BRAF: variants seen among roughly 807,000 people sequenced by gnomAD.
BRAF encodes the protein B-Raf proto-oncogene, serine/threonine kinase, also known as serine/threonine-protein kinase B-raf.
Under a neutral mutation model 104.6 loss-of-function variants are expected in BRAF, and 16 were observed. The ratio of observed to expected loss-of-function variants is 0.15; its 90% CI spans 0.10 to 0.23. BRAF has a LOEUF of 0.23. Ranked by LOEUF, BRAF falls within the 10% of genes least tolerant of loss-of-function variation. The pLI is 1.00. For missense variants in BRAF, 541 were observed against 937.3 expected (o/e 0.58, Z 5.52); for synonymous variants, 310 against 341.6 (o/e 0.91, Z 1.02).
Position 140,719,613 on chromosome 7 carries a change from G to GA in BRAF, c.*6880dup. 1 of 1,062,266 alleles carries GA rather than the reference G, an allele frequency of 9.4e-7. No homozygotes were observed. Among genetic ancestry groups the GA allele is most frequent in the Non-Finnish European group, 1.1e-6 (1 of 877,158 alleles). The allele number at this position is 1,062,266 out of a possible 1,614,324, so 65.8% of individuals were successfully genotyped here. A position where few individuals can be genotyped will look rare whatever the true frequency, so the allele number is the denominator to read the frequency against. ...AAAGTATCAGGAAGTGGGTATGGGG[G>GA]AGAATTAAAAAAAATAATAAAAGAT... On this transcript the variant is annotated 3_prime_UTR_variant, in exon 20 of 20. Transcript: ENST00000644969.
Position 140,850,148 on chromosome 7 carries a change from A to C in BRAF, c.203T>G (p.Phe68Cys). 1 of 1,612,134 alleles carries C rather than the reference A, an allele frequency of 6.2e-7. No homozygotes were observed. Among genetic ancestry groups the C allele is most frequent in the Non-Finnish European group, 8.5e-7 (1 of 1,179,152 alleles). ...TGATGGTGGATTATGCTCCCCACCAAATTTGTCCAATAGGGCCTCTATATG... is the reference window on the plus strand; with the variant it reads ...TGATGGTGGATTATGCTCCCCACCACATTTGTCCAATAGGGCCTCTATATG... ...QEHIEALLDKFGGEHNPPSIY... is the reference protein window; with the variant it reads ...QEHIEALLDKCGGEHNPPSIY... The change falls in exon 2 of 20, where the codon TTT becomes TGT. Residue 68 changes from phenylalanine to cysteine, a missense_variant. Physicochemically the swap from Phe to Cys is radical, Grantham distance 205. Around this residue, in one of 10 missense-constraint regions of BRAF, gnomAD observed 86 missense variants for 133.9 expected, o/e 0.64. Coordinates refer to ENST00000644969, the MANE Select transcript of BRAF (RefSeq NM_001374258.1).
intron 1 of BRAF, among the ~76,000 whole-genome samples, chr7:140,901,369 T>C (rs1815608809): frequency 6.6e-6 from 1 of 152,166 alleles, no homozygotes; most frequent in South Asian, 2.1e-4. Context: ...ACAAAGGTAA[T>C]AACCAGGATG....
chr7:140,914,103 A>G (rs1349055366), intron 1 of BRAF, among the ~76,000 whole-genome samples: 1 of 152,264 alleles, frequency 6.6e-6, no homozygotes, highest in African/African-American at 2.4e-5. Context: ...GATTTCTGAA[A>G]GGAAATTTTT....
intron 3 of BRAF, among the ~76,000 whole-genome samples, chr7:140,821,646 T>C (rs1805499738): frequency 6.6e-6 from 1 of 152,046 alleles, no homozygotes; most frequent in Non-Finnish European, 1.5e-5. Context: ...GAATGTAAAT[T>C]GGTTAGGCAC....
In BRAF at chr7:140,794,426, G is replaced by T. The variant is rs863224722; in HGVS notation, c.1022C>A (p.Pro341Gln). The T allele has an allele frequency of 6.2e-7, 1 of 1,613,962 alleles. No homozygotes were observed. Among genetic ancestry groups the T allele is most frequent in the South Asian group, 1.1e-5 (1 of 91,068 alleles). ...TGCTGGTCGGAAGGGCTGTGGAATT[G>T]GAATGGATTTTGAAGGAGACGGACT... ...LTSPSPSKSI[P>Q]IPQPFRPADE... The change falls in exon 8 of 20, where the codon CCA (proline) becomes CAA (glutamine). Residue 341 changes from proline to glutamine, a missense_variant. Around this residue, in one of 10 missense-constraint regions of BRAF, gnomAD observed 79 missense variants for 74.6 expected, o/e 1.06. Transcript: ENST00000644969.
intron 1 of BRAF, among the ~76,000 whole-genome samples, chr7:140,882,508 G>A (rs922957352): frequency 6.6e-6 from 1 of 151,632 alleles, no homozygotes; most frequent in Non-Finnish European, 1.5e-5. Flanking sequence ...CACCCAAGTA[G>A]CTGGGACTAC....
rs2128998165 is a variant in BRAF at position 140,753,300 on chromosome 7, T to C, written c.1955A>G (p.Gln652Arg). ...SRWSGSHQFEQLSGSILWMAP... is the reference protein window; with the variant it reads ...SRWSGSHQFERLSGSILWMAP... ...CATCCACAAAATGGATCCAGACAAC[T>C]GTTCAAACTGATGGGACCCACTCCA... The change falls in exon 16 of 20, where the codon CAG becomes CGG. Residue 652 changes from glutamine (Q) to arginine (R), a missense_variant. Gln to Arg is a conservative substitution (Grantham distance 43, BLOSUM62 1). Coordinates refer to ENST00000644969, the MANE Select transcript of BRAF (RefSeq NM_001374258.1). The C allele has an allele frequency of 6.2e-7, 1 of 1,611,670 alleles. No individual in the cohort carries two copies. The highest frequency in any genetic ancestry group is 1.1e-5 in the South Asian group (1 of 91,032).
At chr7:140,846,073 A>G (rs1808512304) in intron 2 of BRAF, among the ~76,000 whole-genome samples, 1 of 152,298 alleles carries the variant, frequency 6.6e-6, no homozygotes, top group East Asian at 1.9e-4. Context: ...AATATAAAAC[A>G]GGGCAGGTGC....
chr7:140,798,598 A>G (rs1233014398), intron 7 of BRAF, among the ~76,000 whole-genome samples: 1 of 138,258 alleles, frequency 7.2e-6, no homozygotes, highest in Non-Finnish European at 1.5e-5. Context: ...GTGCTTCCAG[A>G]CGCAGCCTAA....
intron 14 of BRAF, among the ~76,000 whole-genome samples, chr7:140,772,026 A>T (rs571898866): frequency 6.6e-6 from 1 of 152,310 alleles, no homozygotes; most frequent in East Asian, 1.9e-4. Context: ...TATTGGAAAT[A>T]GGGAGGAAAA....
chr7:140,760,142 G>A (rs1259428630), intron 14 of BRAF, among the ~76,000 whole-genome samples: 1 of 152,218 alleles, frequency 6.6e-6, no homozygotes, highest in Non-Finnish European at 1.5e-5. Context: ...GCTAGGCACA[G>A]TGGATCATGC....
chr7:140,769,969 AT>A (rs1357591993), intron 14 of BRAF, among the ~76,000 whole-genome samples: 1 of 152,154 alleles, frequency 6.6e-6, no homozygotes, highest in Admixed American at 6.6e-5. Flanking sequence ...TAGAATAAGC[AT>A]TTTCCTATTT....
intron 1 of BRAF, among the ~76,000 whole-genome samples, chr7:140,892,907 C>T (rs1272274470): frequency 6.6e-6 from 1 of 152,098 alleles, no homozygotes; most frequent in African/African-American, 2.4e-5. Flanking sequence ...GGAACCAGTT[C>T]CTTTGTGAGA....
chr7:140,909,904 C>CT lies in BRAF; in HGVS notation c.138+14661dup, dbSNP rs796335591. On this transcript the variant is annotated intron_variant, in intron 1 of 19. Transcript: ENST00000644969. Reference sequence around the variant, plus strand: ...GTCTATGCTCACATCATTATGATCACTTTTTTTTTTTAACCTACATCATCA... The same window carrying CT: ...GTCTATGCTCACATCATTATGATCACTTTTTTTTTTTTAACCTACATCATCA... 9.0e-4 allele frequency among the ~76,000 whole-genome samples: 132 copies of CT among 146,780 alleles called. 1 individual carries two copies. Among genetic ancestry groups the CT allele is most frequent in the Admixed American group, 1.8e-3 (26 of 14,624 alleles).
intron 3 of BRAF, among the ~76,000 whole-genome samples, chr7:140,812,475 T>C (rs1378549835): frequency 6.6e-6 from 1 of 152,196 alleles, no homozygotes; most frequent in Non-Finnish European, 1.5e-5. Flanking sequence ...TAATTTCCCT[T>C]AGGCACTCCA....
At chr7:140,915,595 C>T (rs764465228) in intron 1 of BRAF, among the ~76,000 whole-genome samples, 17 of 151,678 alleles carry the variant, frequency 1.1e-4, no homozygotes, top group Non-Finnish European at 2.5e-4. Flanking sequence ...CCACCATGCC[C>T]GGCTAATTTT....
intron 1 of BRAF, among the ~76,000 whole-genome samples, chr7:140,905,640 G>A (rs564728504): frequency 1.3e-5 from 2 of 152,214 alleles, no homozygotes; most frequent in Admixed American, 6.5e-5. Context: ...CTGGTGATAT[G>A]TTTAGATTTA....
At chr7:140,749,549 TAGTC>T in intron 16 of BRAF, 131 bp from the exon 16 acceptor site, 1 of 971,276 alleles carries the variant, frequency 1.0e-6, no homozygotes, top group African/African-American at 1.6e-5. Flanking sequence ...ATTCTCTTAA[TAGTC>T]AAAGAAATAA....
At chr7:140,777,929 G>A (rs2129019346) in intron 13 of BRAF, 62 bp downstream of exon 12, 2 of 1,478,676 alleles carry the variant, frequency 1.4e-6, no homozygotes, top group East Asian at 4.6e-5. Context: ...GCTACCACTG[G>A]GAACCAGGAG....
Sources: allele counts gnomAD v4.1 joint callset (sites outside exome capture counted in the v4.1 genomes callset), GRCh38; gene constraint gnomAD v4.1.1; regional missense constraint gnomAD v4.1.1; transcripts MANE v1.5; gene names NCBI Gene and HGNC (gene_info 2026-07-23, HGNC 2026-07-21).